DMBT1: variants seen among roughly 807,000 people sequenced by gnomAD.
DMBT1 encodes deleted in malignant brain tumors 1, also known as scavenger receptor cysteine-rich domain-containing protein DMBT1.
Under a neutral mutation model 252.9 loss-of-function variants are expected in DMBT1, and 198 were observed. That is an observed-to-expected ratio of 0.78 (90% confidence interval 0.70 to 0.88). The LOEUF is 0.88. Among genes scored for constraint, DMBT1 ranks in the 40% least tolerant of loss-of-function variants. The pLI, the probability that DMBT1 is intolerant of heterozygous loss-of-function variation, is 0.00. For missense variants in DMBT1, 2,432 were observed against 2,404.7 expected, an observed-to-expected ratio of 1.01 and a Z score of -0.24; for synonymous variants, 990 against 942.7, an observed-to-expected ratio of 1.05 and a Z score of -0.92.
intron 1 of DMBT1, 92 bp from the exon 2 acceptor site, chr10:122,565,875 G>A: frequency 7.9e-7 from 1 of 1,267,240 alleles, no homozygotes; most frequent in Non-Finnish European, 1.1e-6. Context: ...GCCCTCTGGT[G>A]TGATTGTACG....
At chr10:122,591,896 C>A (rs1433261024) in intron 19 of DMBT1, among the ~76,000 whole-genome samples, 10 of 149,102 alleles carry the variant, frequency 6.7e-5, no homozygotes, top group Admixed American at 6.6e-4. Flanking sequence ...CCATCCCTGG[C>A]AATTTGCCAG....
intron 8 of DMBT1, 91 bp from the exon 9 acceptor site, chr10:122,578,627 C>T (rs1292926098): frequency 1.7e-6 from 2 of 1,143,426 alleles, no homozygotes; most frequent in Non-Finnish European, 2.6e-6. Flanking sequence ...GAATTGTTTT[C>T]ACAGTGCTTG....
chr10:122,573,883 C>G, intron 6 of DMBT1, 121 bp downstream of exon 6: 1 of 1,268,884 alleles, frequency 7.9e-7, no homozygotes. Flanking sequence ...CCACGAGGGG[C>G]CCTTCCACAA....
chr10:122,567,940 C>G (rs2097614394), intron 2 of DMBT1, among the ~76,000 whole-genome samples: 1 of 152,114 alleles, frequency 6.6e-6, no homozygotes, highest in South Asian at 2.1e-4. Context: ...ACCTGGAGAC[C>G]AGTGAATCCT....
chr10:122,572,432 G>A (rs758518965), intron 5 of DMBT1, 71 bp downstream of exon 5: 12 of 1,586,870 alleles, frequency 7.6e-6, no homozygotes, highest in African/African-American at 5.4e-5. Context: ...CTCTGACCCA[G>A]ATGAGGTGTA....
In DMBT1 at chr10:122,579,803, G is replaced by A. The variant is rs566307490; in HGVS notation, c.905G>A (p.Arg302His). The change falls in exon 10 of 56, where the codon CGC becomes CAC. Residue 302 changes from arginine to histidine, a missense_variant. Physicochemically the swap from Arg to His is conservative, Grantham distance 29. Transcript: ENST00000338354. ...GGACCCATTGTCCTGGATGATGTGC[G>A]CTGCTCAGGACATGAGTCCTACCTG... The part of the protein sequence containing the change: ...GSGPIVLDDV[R>H]CSGHESYLWS... The A allele has an allele frequency of 3.4e-5, 54 of 1,607,376 alleles. No homozygotes were observed. The highest frequency in any genetic ancestry group is 2.0e-4 in the South Asian group (18 of 90,946).
intron 1 of DMBT1, among the ~76,000 whole-genome samples, chr10:122,563,836 G>A (rs553697148): frequency 3.0e-4 from 46 of 152,288 alleles, no homozygotes; most frequent in African/African-American, 9.9e-4. Flanking sequence ...GGATGAGTTC[G>A]ACTGCCATGG....
At chr10:122,581,148 C>A (rs547660495) in intron 11 of DMBT1, among the ~76,000 whole-genome samples, 1,536 of 147,596 alleles carry the variant, frequency 0.01, 15 homozygotes, top group African/African-American at 0.038. Flanking sequence ...CAGTGGACAA[C>A]CCTTACAGGT....
At chr10:122,579,069 G>C (rs1241120078) in intron 9 of DMBT1, among the ~76,000 whole-genome samples, 1 of 152,098 alleles carries the variant, frequency 6.6e-6, no homozygotes, top group Non-Finnish European at 1.5e-5. Context: ...CCCAGAATTA[G>C]ATGTGATATT....
chr10:122,619,448 T>A, intron 42 of DMBT1, 111 bp downstream of exon 42: 1 of 1,431,958 alleles, frequency 7.0e-7, no homozygotes, highest in Non-Finnish European at 9.7e-7. Context: ...TGGGGCATAT[T>A]ATTTTTCCTC....
intron 26 of DMBT1, 84 bp downstream of exon 26, chr10:122,599,181 C>A: frequency 1.9e-6 from 3 of 1,598,616 alleles, no homozygotes; most frequent in Non-Finnish European, 2.6e-6. Flanking sequence ...GATCTCCTCA[C>A]TCAAAGCTTC....
At position 122,586,165 on chromosome 10, in the gene DMBT1, G is replaced by T; in HGVS notation, c.1565G>T (p.Ser522Ile). Residue 522 changes from serine to isoleucine, a missense_variant, in exon 16 of 56, where the codon AGC becomes ATC. Ser to Ile is a moderately radical substitution (Grantham distance 142). Coordinates refer to ENST00000338354, the MANE Select transcript of DMBT1 (RefSeq NM_001377530.1). ...RGSWGTVCDD[S>I]WDTNDANVVC... The stretch of plus-strand genomic sequence containing the variant: ...TCCTGGGGCACCGTGTGTGATGACA[G>T]CTGGGACACCAATGATGCCAATGTG... The T allele has an allele frequency of 6.3e-7, 1 of 1,589,392 alleles. No individual in the cohort carries two copies. Among genetic ancestry groups the T allele is most frequent in the Non-Finnish European group, 8.6e-7 (1 of 1,166,172 alleles).
chr10:122,565,995 C>T lies in DMBT1; in HGVS notation c.90C>T (p.Tyr30=), dbSNP rs1204507861. The stretch of plus-strand genomic sequence containing the variant: ...GGTGGATCCCAAGGACTACAGACTA[C>T]GGTAAGACCTTTTCTTCACTCCTCT... ...TGGWIPRTTD[Y]ASLIPSEVPL... The change falls in exon 2 of 56, where the codon TAC becomes TAT. Residue 30 remains tyrosine, a splice_region_variant and synonymous_variant. Transcript: ENST00000338354. The T allele has an allele frequency of 1.4e-5, 22 of 1,613,818 alleles. No individual in the cohort carries two copies. The East Asian group carries it at 4.2e-4, about 31-fold the overall frequency.
intron 44 of DMBT1, among the ~76,000 whole-genome samples, 165 bp from the exon 45 acceptor site, chr10:122,625,112 C>G (rs1399959402): frequency 6.6e-6 from 1 of 152,188 alleles, no homozygotes; most frequent in Non-Finnish European, 1.5e-5. Context: ...CTTCCAACAT[C>G]TTTTTTTGAG....
chr10:122,573,795 C>A, intron 6 of DMBT1, 33 bp downstream of exon 6: 1 of 1,606,886 alleles, frequency 6.2e-7, no homozygotes, highest in Non-Finnish European at 8.5e-7. Flanking sequence ...CCTGTAGGCT[C>A]ATTACCCCCC....
At chr10:122,634,388 CTTTCTTTCTTTCT>C (rs1309436727) in intron 52 of DMBT1, among the ~76,000 whole-genome samples, 2 of 136,526 alleles carry the variant, frequency 1.5e-5, no homozygotes, top group Admixed American at 1.5e-4. Context: ...TTCTTTCTTT[CTTTCTTTCTTTCT>C]TTTCTTTCTT....
Position 122,579,773 on chromosome 10 carries a change from G to T in DMBT1, c.875G>T (p.Gly292Val), listed in dbSNP as rs373019306. 21 of 1,613,824 alleles carry T rather than the reference G, an allele frequency of 1.3e-5. No individual in the cohort carries two copies. In the East Asian group the frequency reaches 2.2e-4, roughly 17 times the overall value. Residue 292 changes from glycine to valine, a missense_variant, in exon 10 of 56, where the codon GGC becomes GTC. By Grantham distance (109) the Gly-to-Val change is moderately radical (BLOSUM62 -3). This residue lies in a region of DMBT1 where 1,264 missense variants were observed against 1,082.2 expected (regional missense o/e 1.17). Coordinates refer to ENST00000338354, the MANE Select transcript of DMBT1 (RefSeq NM_001377530.1). ...CCAGGAAATGCCCAGTTTGGCCAGGGCTCAGGACCCATTGTCCTGGATGAT... is the reference window on the plus strand; with the variant it reads ...CCAGGAAATGCCCAGTTTGGCCAGGTCTCAGGACCCATTGTCCTGGATGAT... ...SAPGNAQFGQ[G>V]SGPIVLDDVR...
In DMBT1 at chr10:122,631,556, G is replaced by A. The variant is rs141029312; in HGVS notation, c.6346+275G>A. 2.7e-3 allele frequency among the ~76,000 whole-genome samples: 416 copies of A among 152,326 alleles called. 2 individuals carry two copies. Among genetic ancestry groups the A allele is most frequent in the African/African-American group, 9.6e-3 (400 of 41,574 alleles). On this transcript the variant is annotated intron_variant, in intron 49 of 55. Transcript: ENST00000338354. Reference sequence around the variant, plus strand: ...GTTTCCTTGACTGTTGAGTCGGGGTGGCTATGATAGTACTTGCTACTGGTG... The same window carrying A: ...GTTTCCTTGACTGTTGAGTCGGGGTAGCTATGATAGTACTTGCTACTGGTG...
intron 41 of DMBT1, 60 bp from the exon 42 acceptor site, chr10:122,619,248 C>T: frequency 5.0e-6 from 8 of 1,608,680 alleles, no homozygotes; most frequent in Non-Finnish European, 6.8e-6. Flanking sequence ...TATCTTTGTT[C>T]CAGTTTTGCC....
Sources: gnomAD v4.1 joint callset for allele counts (sites outside exome capture counted in the v4.1 genomes callset) on GRCh38, gnomAD v4.1.1 for gene constraint, gnomAD v4.1.1 regional missense constraint, MANE v1.5 for transcripts, NCBI Gene and HGNC (gene_info 2026-07-23, HGNC 2026-07-21) for gene names.